The following FRRS1L variants were observed in gnomAD, a reference collection of about 807,000 sequenced individuals.
FRRS1L encodes ferric chelate reductase 1 like, also known as DOMON domain-containing protein FRRS1L.
In FRRS1L, 22 loss-of-function variants were observed where a neutral mutation model predicts 28.6. The ratio of observed to expected loss-of-function variants is 0.77; its 90% CI spans 0.55 to 1.10. The LOEUF (loss-of-function observed/expected upper bound fraction) is 1.10, where lower values mean the gene tolerates loss of function less well. FRRS1L is among the 50% of genes least tolerant of loss of function. The pLI is 0.00. For synonymous variants in FRRS1L, 158 were observed against 151.4 expected (o/e 1.04, Z -0.32); for missense variants, 380 against 386.9 (o/e 0.98, Z 0.15).
chr9:109,141,492 C>T lies in FRRS1L; in HGVS notation c.560G>A (p.Arg187Lys). Residue 187 changes from arginine to lysine, a missense_variant, in exon 4 of 5, where the codon AGA (arginine) becomes AAA (lysine). Physicochemically the swap from Arg to Lys is conservative, Grantham distance 26. Coordinates refer to ENST00000561981, the MANE Select transcript of FRRS1L (RefSeq NM_014334.4). ...NVGQWAKEIQ[R>K]NPARDEEGVF... ...TCCTTCTTCATCTCTGGCAGGGTTT[C>T]TCTGAATCTCCTTTGCCCACTGGCC... The T allele has an allele frequency of 6.2e-7, 1 of 1,614,154 alleles. No homozygotes were observed. The highest frequency in any genetic ancestry group is 8.5e-7 in the Non-Finnish European group (1 of 1,180,026).
Position 109,141,302 on chromosome 9 carries a change from GGT to G in FRRS1L, c.709+39_709+40del, listed in dbSNP as rs149298539. On this transcript the variant is annotated intron_variant, in intron 4 of 4. Coordinates refer to ENST00000561981, the MANE Select transcript of FRRS1L (RefSeq NM_014334.4). ...AATTAACAATGAACACAAGCACAGT[GGT>G]GTCTGGCGTTTAATCCAGATGCTGA... The G allele has an allele frequency of 1.2e-3, 1,904 of 1,608,504 alleles. 17 individuals carry two copies. The African/African-American group carries it at 0.021, about 18-fold the overall frequency.
Position 109,149,677 on chromosome 9 carries a change from T to C in FRRS1L, c.282A>G (p.Lys94=). 1 of 1,613,904 alleles carries C rather than the reference T, an allele frequency of 6.2e-7. No individual in the cohort carries two copies. Among genetic ancestry groups the C allele is most frequent in the Non-Finnish European group, 8.5e-7 (1 of 1,179,784 alleles). Residue 94 remains lysine (K), a synonymous_variant, in exon 2 of 5, where the codon AAA becomes AAG. Coordinates refer to ENST00000561981, the MANE Select transcript of FRRS1L (RefSeq NM_014334.4). ...PTAPPVDPFA[K]IKVDDCGKTK... ...TTTTTCCACAGTCGTCCACTTTGAT[T>C]TTGGCAAATGGATCCACAGGAGGAG...
intron 2 of FRRS1L, chr9:109,147,419 G>A (rs375649993): frequency 1.1e-5 from 5 of 474,630 alleles, no homozygotes; most frequent in African/African-American, 7.8e-5. Context: ...GGGCTTGCCC[G>A]AGGTTGTATA....
Sources: gnomAD v4.1 joint callset for allele counts on GRCh38, gnomAD v4.1.1 for gene constraint, MANE v1.5 for transcripts, NCBI Gene and HGNC (gene_info 2026-07-23, HGNC 2026-07-21) for gene names.